The following LAMA3 variants were observed in gnomAD, a reference collection of about 807,000 sequenced individuals.
LAMA3 encodes the protein laminin subunit alpha-3.
LAMA3 carries 281 observed loss-of-function variants against 402.0 expected under a neutral mutation model. The ratio of observed to expected loss-of-function variants is 0.70; its 90% confidence interval spans 0.63 to 0.77. LAMA3 has a LOEUF of 0.77. Among genes scored for constraint, LAMA3 ranks in the 30% least tolerant of loss-of-function variants. The pLI, the probability that LAMA3 is intolerant of heterozygous loss-of-function variation, is 0.00. For synonymous variants in LAMA3, 1,431 were observed against 1,558.4 expected (o/e 0.92, Z 1.93); for missense variants, 3,840 against 4,215.5 (o/e 0.91, Z 2.47).
chr18:23,946,025 GA>G, intron 69 of LAMA3, 118 bp from the exon 70 acceptor site: 1 of 942,402 alleles, frequency 1.1e-6, no homozygotes, highest in East Asian at 2.4e-5. Flanking sequence ...CTCATCTTTT[GA>G]AGCTATTTGA....
intron 7 of LAMA3, among the ~76,000 whole-genome samples, chr18:23,759,330 CAAA>C (rs34457452): frequency 8.9e-5 from 10 of 112,566 alleles, no homozygotes; most frequent in East Asian, 2.6e-4. Flanking sequence ...AAGATCCTGT[CAAA>C]AAAAAAAAAA....
chr18:23,798,623 T>C (rs1204120119), intron 12 of LAMA3, among the ~76,000 whole-genome samples: 1 of 152,196 alleles, frequency 6.6e-6, no homozygotes, highest in Non-Finnish European at 1.5e-5. Flanking sequence ...TTTTGTGCAG[T>C]TTTGCCTTGA....
chr18:23,907,649 T>C lies in LAMA3; in HGVS notation c.6818T>C (p.Leu2273Pro), dbSNP rs1255783395. The change falls in exon 53 of 75, where the codon CTT (leucine) becomes CCT (proline). Residue 2273 changes from leucine to proline, a missense_variant. By Grantham distance (98) the Leu-to-Pro change is moderately conservative. Transcript: ENST00000313654. The stretch of plus-strand genomic sequence containing the variant: ...AATCTCACAACTCTCCGAGATGGTC[T>C]TCATGGGATACAGAGAGGTCAGCAT... Reference protein sequence around the residue: ...DTNLTTLRDGLHGIQRGDIDA... With the variant: ...DTNLTTLRDGPHGIQRGDIDA... The C allele has an allele frequency of 6.2e-7, 1 of 1,612,982 alleles. No individual in the cohort carries two copies. The highest frequency in any genetic ancestry group is 8.5e-7 in the Non-Finnish European group (1 of 1,178,984).
At chr18:23,927,577 G>T (rs964015666) in intron 62 of LAMA3, among the ~76,000 whole-genome samples, 1 of 152,022 alleles carries the variant, frequency 6.6e-6, no homozygotes, top group Admixed American at 6.6e-5. Context: ...GCTTGGCATT[G>T]GTTAAATCAA....
rs566096622 is a variant in LAMA3, at chr18:23,826,606, G to C, written c.2572-96G>C. The C allele has an allele frequency of 8.7e-6, 8 of 921,726 alleles. No individual in the cohort carries two copies. In the Admixed American group the frequency reaches 1.6e-4, roughly 18 times the overall value. 57.1% of individuals were successfully genotyped at this position (921,726 alleles called of 1,614,324 possible). ...AGAGTTTAACTAGCGACTTCACCTGGTTATTATTGATTTAACTAGTATGTT... is the reference window on the plus strand; with the variant it reads ...AGAGTTTAACTAGCGACTTCACCTGCTTATTATTGATTTAACTAGTATGTT... On this transcript the variant is annotated intron_variant, in intron 21 of 74. Coordinates refer to ENST00000313654, the MANE Select transcript of LAMA3 (RefSeq NM_198129.4).
intron 62 of LAMA3, among the ~76,000 whole-genome samples, chr18:23,923,489 A>G (rs1049102517): frequency 1.3e-5 from 2 of 152,158 alleles, no homozygotes; most frequent in African/African-American, 4.8e-5. Flanking sequence ...AAAGGGGAAA[A>G]GCAGTCAAGA....
chr18:23,747,864 A>G, intron 2 of LAMA3, 79 bp from the exon 3 acceptor site: 2 of 864,866 alleles, frequency 2.3e-6, no homozygotes, highest in South Asian at 1.3e-5. Context: ...TTGCCTTGGG[A>G]ATCAGCATCA....
Position 23,861,172 on chromosome 18 carries a change from C to CTT in LAMA3, c.4423-465_4423-464dup, listed in dbSNP as rs144307749. Among the ~76,000 whole-genome samples the CTT allele has an allele frequency of 2.6e-3, 388 of 148,910 alleles. 3 individuals carry two copies. The highest frequency in any genetic ancestry group is 0.017 in the South Asian group (78 of 4,686). On this transcript the variant is annotated intron_variant, in intron 34 of 74. Transcript: ENST00000313654. ...CAATCCTATGCTTGCTCAGTTCTTT[C>CTT]TTTTTTTTTTACCTCAAAATTAACT...
intron 11 of LAMA3, 45 bp from the exon 12 acceptor site, chr18:23,783,978 G>T: frequency 6.2e-7 from 1 of 1,611,790 alleles, no homozygotes; most frequent in Non-Finnish European, 8.5e-7. Flanking sequence ...TTAAGAAAGT[G>T]ATGGAAGATG....
chr18:23,863,021 A>G (rs200551440), intron 35 of LAMA3, among the ~76,000 whole-genome samples: 54 of 143,434 alleles, frequency 3.8e-4, no homozygotes, highest in African/African-American at 1.4e-3. Flanking sequence ...GAGAGAGAGA[A>G]AGAGAGAGAG....
chr18:23,770,751 ACT>A (rs1305420797), intron 8 of LAMA3, among the ~76,000 whole-genome samples: 6 of 152,116 alleles, frequency 3.9e-5, no homozygotes, highest in African/African-American at 1.2e-4. Flanking sequence ...ACAGAGCGAG[ACT>A]CTGTCTCAAA....
intron 42 of LAMA3, 117 bp downstream of exon 42, chr18:23,890,234 T>C: frequency 8.0e-6 from 6 of 749,170 alleles, no homozygotes; most frequent in Non-Finnish European, 1.4e-5. Context: ...GCCAGCAAGC[T>C]GTCCCCAGGA....
chr18:23,778,470 G>C (rs921984692), intron 11 of LAMA3, among the ~76,000 whole-genome samples: 1 of 152,170 alleles, frequency 6.6e-6, no homozygotes. Flanking sequence ...CACTTTTAAG[G>C]GGGAGCCATT....
intron 2 of LAMA3, among the ~76,000 whole-genome samples, chr18:23,725,606 T>A (rs1031736349): frequency 1.3e-5 from 2 of 152,156 alleles, no homozygotes; most frequent in Admixed American, 6.5e-5. Flanking sequence ...TCTTTGCCTG[T>A]CTAGTACAGT....
In LAMA3 at chr18:23,953,001, C is replaced by T; in HGVS notation, c.9748C>T (p.Gln3250Ter). The T allele has an allele frequency of 6.2e-7, 1 of 1,614,136 alleles. No individual in the cohort carries two copies. The highest frequency in any genetic ancestry group is 8.5e-7 in the Non-Finnish European group (1 of 1,179,992). ...CCTCCTTTCCCCAGTCACCATAAAA[C>T]AACACATCCTGCACCTGGAACTGGA... ...QWHSVAVTIK[Q>*]HILHLELDTD... The change falls in exon 74 of 75, where the codon CAA becomes TAA. Residue 3250 changes from glutamine (Q) to a stop codon, truncating the protein, a stop_gained. Transcript: ENST00000313654. LOFTEE classifies it high-confidence loss of function.
Position 23,943,901 on chromosome 18 carries a change from C to T in LAMA3, c.9140C>T (p.Ala3047Val). ...LYLSKGRLVF[A>V]LGTDGKKLRI... ...CTTTCAAAAGGACGTCTGGTCTTTG[C>T]ACTGGGGACAGATGGGAAAAAATTG... The change falls in exon 69 of 75, where the codon GCA (alanine) becomes GTA (valine). Residue 3047 changes from alanine (A) to valine (V), a missense_variant. By Grantham distance (64) the Ala-to-Val change is moderately conservative. Coordinates refer to ENST00000313654, the MANE Select transcript of LAMA3 (RefSeq NM_198129.4). 6.2e-7 allele frequency: 1 copy of T among 1,614,056 alleles called. No homozygotes were observed. Among genetic ancestry groups the T allele is most frequent in the Non-Finnish European group, 8.5e-7 (1 of 1,179,924 alleles).
At position 23,894,185 on chromosome 18, in the gene LAMA3, T is replaced by C; in HGVS notation, c.5411-113T>C. 4 of 827,686 alleles carry C rather than the reference T, an allele frequency of 4.8e-6. No homozygotes were observed. In the South Asian group the frequency reaches 5.8e-5, roughly 12 times the overall value. 51.3% of individuals were successfully genotyped at this position (827,686 alleles called of 1,614,324 possible). On this transcript the variant is annotated intron_variant, in intron 42 of 74. Coordinates refer to ENST00000313654, the MANE Select transcript of LAMA3 (RefSeq NM_198129.4). Reference sequence around the variant, plus strand: ...AAAATGGTGAAAACCACAATTACTTTTGCACCAAACTAATAAAACTTTGCA... The same window carrying C: ...AAAATGGTGAAAACCACAATTACTTCTGCACCAAACTAATAAAACTTTGCA...
chr18:23,888,311 T>C (rs1348712355), intron 41 of LAMA3, among the ~76,000 whole-genome samples: 1 of 152,264 alleles, frequency 6.6e-6, no homozygotes, highest in Non-Finnish European at 1.5e-5. Context: ...ATGAATATTT[T>C]GTCATGTCTT....
intron 70 of LAMA3, among the ~76,000 whole-genome samples, chr18:23,948,813 A>C (rs1306308139): frequency 6.6e-6 from 1 of 152,020 alleles, no homozygotes; most frequent in Non-Finnish European, 1.5e-5. Context: ...CAGGTGATCC[A>C]GCAGCCTCAG....
Sources: allele counts gnomAD v4.1 joint callset (sites outside exome capture counted in the v4.1 genomes callset), GRCh38; gene constraint gnomAD v4.1.1; transcripts MANE v1.5; gene names NCBI Gene and HGNC (gene_info 2026-07-23, HGNC 2026-07-21).